The following IMMP2L variants were observed in gnomAD, a reference collection of about 807,000 sequenced individuals.
The protein encoded by IMMP2L is inner mitochondrial membrane peptidase subunit 2, also known as mitochondrial inner membrane protease subunit 2.
In IMMP2L, 18 loss-of-function variants were observed where a neutral mutation model predicts 19.3. The ratio of observed to expected loss-of-function variants is 0.93; its 90% confidence interval spans 0.64 to 1.38. The LOEUF is 1.38. Among genes scored for constraint, IMMP2L ranks in the 40% most tolerant of loss-of-function variants. IMMP2L has a pLI of 0.00. For missense variants in IMMP2L, 233 were observed against 218.2 expected (o/e 1.07, Z -0.43); for synonymous variants, 76 against 73.0 (o/e 1.04, Z -0.21).
chr7:111,372,812 A>G (rs1294053322), intron 3 of IMMP2L, among the ~76,000 whole-genome samples: 3 of 152,122 alleles, frequency 2.0e-5, no homozygotes, highest in African/African-American at 7.2e-5. Context: ...AAACAGGGAC[A>G]GAATAATATG....
chr7:111,502,358 C>T lies in IMMP2L; in HGVS notation c.136-15017G>A, dbSNP rs552709562. Among the ~76,000 whole-genome samples the T allele has an allele frequency of 2.6e-5, 4 of 152,216 alleles. No individual in the cohort carries two copies. In the South Asian group the frequency reaches 8.3e-4, roughly 32 times the overall value. Reference sequence around the variant, plus strand: ...ACCTACAAAGAGACTTAGACTCCCACACAATAATAATGGGAGACTTTAACA... The same window carrying T: ...ACCTACAAAGAGACTTAGACTCCCATACAATAATAATGGGAGACTTTAACA... On this transcript the variant is annotated intron_variant, in intron 2 of 5. Transcript: ENST00000405709.
At chr7:111,235,725 T>C (rs1210574998) in intron 3 of IMMP2L, among the ~76,000 whole-genome samples, 1 of 152,022 alleles carries the variant, frequency 6.6e-6, no homozygotes. Flanking sequence ...GAGTTTATAG[T>C]TTTTATCAAT....
chr7:111,166,568 G>A lies in IMMP2L; in HGVS notation c.240-203003C>T, dbSNP rs371297062. Among the ~76,000 whole-genome samples the A allele has an allele frequency of 6.6e-5, 10 of 151,938 alleles. No individual in the cohort carries two copies. The East Asian group carries it at 1.9e-3, about 30-fold the overall frequency. On this transcript the variant is annotated intron_variant, in intron 3 of 5. Transcript: ENST00000405709. The stretch of plus-strand genomic sequence containing the variant: ...GCAGAACATTAGAGTTGGTTAATTC[G>A]TGCCCCACACATACTGTATTAGTTT...
At chr7:110,842,042 T>TA (rs1805139561) in intron 5 of IMMP2L, among the ~76,000 whole-genome samples, 1 of 152,128 alleles carries the variant, frequency 6.6e-6, no homozygotes, top group African/African-American at 2.4e-5. Flanking sequence ...TTGTCCACTG[T>TA]AAAATGGGGC....
At chr7:111,501,868 A>G (rs920926438) in intron 2 of IMMP2L, among the ~76,000 whole-genome samples, 6 of 152,180 alleles carry the variant, frequency 3.9e-5, no homozygotes, top group Admixed American at 3.9e-4. Flanking sequence ...ACTGCAAAAC[A>G]TGCCAAAATG....
At chr7:110,902,502 A>ATATATAT (rs1811986550) in intron 4 of IMMP2L, among the ~76,000 whole-genome samples, 3 of 143,524 alleles carry the variant, frequency 2.1e-5, no homozygotes, top group African/African-American at 5.2e-5. Flanking sequence ...ATATATATAT[A>ATATATAT]GTATCAAGGG....
intron 3 of IMMP2L, among the ~76,000 whole-genome samples, chr7:111,161,396 A>G (rs1805248343): frequency 6.6e-6 from 1 of 152,132 alleles, no homozygotes; most frequent in African/African-American, 2.4e-5. Flanking sequence ...TGTTTGACTA[A>G]GCTAACTTTT....
intron 4 of IMMP2L, among the ~76,000 whole-genome samples, chr7:110,918,043 C>G (rs896103363): frequency 7.2e-5 from 11 of 152,164 alleles, no homozygotes; most frequent in Non-Finnish European, 1.5e-4. Context: ...ACTTTACCAC[C>G]AACAACAGGC....
intron 3 of IMMP2L, among the ~76,000 whole-genome samples, chr7:111,439,279 G>A (rs190095083): frequency 6.6e-6 from 1 of 151,738 alleles, no homozygotes; most frequent in Non-Finnish European, 1.5e-5. Flanking sequence ...AATTCTAGTG[G>A]CCCAGTCTCA....
intron 5 of IMMP2L, among the ~76,000 whole-genome samples, chr7:110,778,256 C>T (rs1222769884): frequency 2.0e-5 from 3 of 151,776 alleles, no homozygotes; most frequent in Non-Finnish European, 4.4e-5. Flanking sequence ...TGTGTTTTTA[C>T]ATATGTGACC....
intron 4 of IMMP2L, among the ~76,000 whole-genome samples, chr7:110,907,760 T>C (rs258995): frequency 6.6e-6 from 1 of 151,994 alleles, no homozygotes; most frequent in African/African-American, 2.4e-5. Flanking sequence ...ATATTCATTT[T>C]TTGCTGTTAT....
intron 3 of IMMP2L, among the ~76,000 whole-genome samples, chr7:111,351,269 C>A (rs1165020556): frequency 6.6e-6 from 1 of 152,176 alleles, no homozygotes; most frequent in Non-Finnish European, 1.5e-5. Context: ...CTGCTCACCG[C>A]AACCTCCGCC....
At chr7:111,279,675 T>A (rs769357740) in intron 3 of IMMP2L, among the ~76,000 whole-genome samples, 2 of 152,114 alleles carry the variant, frequency 1.3e-5, no homozygotes, top group Non-Finnish European at 2.9e-5. Flanking sequence ...ACTCAGGAAG[T>A]CGGGTGCAAA....
At chr7:110,918,452 C>CTTTTTTTTTTTTTTTT (rs1029668134) in intron 4 of IMMP2L, among the ~76,000 whole-genome samples, 3 of 130,488 alleles carry the variant, frequency 2.3e-5, no homozygotes, top group African/African-American at 5.7e-5. Flanking sequence ...TTCTTTTTTT[C>CTTTTTTTTTTTTTTTT]TTTTTTTTTT....
intron 3 of IMMP2L, among the ~76,000 whole-genome samples, chr7:111,402,045 G>A (rs1833464526): frequency 6.6e-6 from 1 of 151,292 alleles, no homozygotes; most frequent in South Asian, 2.1e-4. Context: ...AGGAGTTCAA[G>A]GCTGTAGTGA....
chr7:110,833,118 C>T (rs565844073), intron 5 of IMMP2L, among the ~76,000 whole-genome samples: 1 of 152,146 alleles, frequency 6.6e-6, no homozygotes, highest in African/African-American at 2.4e-5. Context: ...CATTCTAGAA[C>T]AAGAAAAAGT....
chr7:110,736,085 C>A (rs969184387), intron 5 of IMMP2L, among the ~76,000 whole-genome samples: 1 of 152,110 alleles, frequency 6.6e-6, no homozygotes, highest in Non-Finnish European at 1.5e-5. Context: ...CTCAGCTGCA[C>A]CAGCTGTGGC....
chr7:111,281,906 T>C (rs1182161086), intron 3 of IMMP2L, among the ~76,000 whole-genome samples: 1 of 152,200 alleles, frequency 6.6e-6, no homozygotes, highest in Non-Finnish European at 1.5e-5. Flanking sequence ...ATAGAAATCA[T>C]GAAATGTTGT....
At chr7:111,243,647 C>A (rs1244187618) in intron 3 of IMMP2L, among the ~76,000 whole-genome samples, 14 of 115,116 alleles carry the variant, frequency 1.2e-4, no homozygotes, top group African/African-American at 4.4e-4. Context: ...GGTATATCTC[C>A]CAATGCTATC....
Sources: gnomAD v4.1 joint callset for allele counts (sites outside exome capture counted in the v4.1 genomes callset) on GRCh38, gnomAD v4.1.1 for gene constraint, MANE v1.5 for transcripts, NCBI Gene and HGNC (gene_info 2026-07-23, HGNC 2026-07-21) for gene names.